RAB28: variants seen among roughly 807,000 people sequenced by gnomAD.
RAB28 encodes ras-related protein Rab-28.
In RAB28, 24 loss-of-function variants were observed where a neutral mutation model predicts 31.7. That is an observed-to-expected ratio of 0.76 (90% CI 0.55 to 1.06). RAB28 has a LOEUF of 1.06. Among genes scored for constraint, RAB28 ranks in the 50% least tolerant of loss-of-function variants. The pLI is 0.00. For synonymous variants in RAB28, 100 were observed against 90.4 expected, an observed-to-expected ratio of 1.11 and a Z score of -0.60; for missense variants, 254 against 258.5, an observed-to-expected ratio of 0.98 and a Z score of 0.12.
At chr4:13,444,031 T>C (rs961908173) in intron 4 of RAB28, among the ~76,000 whole-genome samples, 4 of 151,596 alleles carry the variant, frequency 2.6e-5, no homozygotes, top group African/African-American at 4.9e-5. Flanking sequence ...TTTTTTTTTT[T>C]TTCTTTTTTT....
At chr4:13,456,045 A>G (rs1417138726) in intron 4 of RAB28, among the ~76,000 whole-genome samples, 2 of 152,252 alleles carry the variant, frequency 1.3e-5, no homozygotes, top group East Asian at 3.8e-4. Context: ...ATGGCAGAGA[A>G]TAAGATTAAG....
intron 4 of RAB28, among the ~76,000 whole-genome samples, chr4:13,438,122 C>A (rs973757592): frequency 7.9e-5 from 12 of 152,110 alleles, no homozygotes; most frequent in Non-Finnish European, 1.5e-5. Flanking sequence ...AGAGGATCTT[C>A]GAGTTTCGTA....
At chr4:13,457,969 C>T (rs1226493375) in intron 4 of RAB28, among the ~76,000 whole-genome samples, 1 of 152,134 alleles carries the variant, frequency 6.6e-6, no homozygotes, top group Non-Finnish European at 1.5e-5. Context: ...CAATAAAGCA[C>T]ATACTTAACC....
intron 6 of RAB28, among the ~76,000 whole-genome samples, chr4:13,376,113 G>GA (rs1728912537): frequency 6.6e-6 from 1 of 151,792 alleles, no homozygotes; most frequent in African/African-American, 2.4e-5. Context: ...TAGGAATAGT[G>GA]AAAAAACATA....
At position 13,368,281 on chromosome 4, in the gene RAB28, T is replaced by C. The variant is rs748084596; in HGVS notation, c.*277A>G. The C allele has an allele frequency of 9.3e-7, 1 of 1,078,182 alleles. No homozygotes were observed. Among genetic ancestry groups the C allele is most frequent in the Non-Finnish European group, 1.1e-6 (1 of 890,800 alleles). The allele number at this position is 1,078,182 out of a possible 1,614,324, so 66.8% of individuals were successfully genotyped here. On this transcript the variant is annotated 3_prime_UTR_variant, in exon 7 of 7. Transcript: ENST00000330852. ...ATCAATGAAAAAAGAAGCAAGGACA[T>C]ACAAAGAAACAACATCATTCTTTTG...
chr4:13,483,991 G>A (rs1466100498), intron 1 of RAB28, 85 bp downstream of exon 1: 3 of 1,318,006 alleles, frequency 2.3e-6, no homozygotes, highest in East Asian at 5.1e-5. Context: ...TCGGGGTAAC[G>A]AGGCGACGCC....
intron 4 of RAB28, among the ~76,000 whole-genome samples, chr4:13,410,830 T>A (rs1272095191): frequency 1.3e-5 from 2 of 152,062 alleles, no homozygotes; most frequent in Non-Finnish European, 2.9e-5. Context: ...AACTTAAAGG[T>A]CTCTGTATTG....
chr4:13,469,646 C>A (rs1047112685), intron 3 of RAB28, among the ~76,000 whole-genome samples: 1 of 151,926 alleles, frequency 6.6e-6, no homozygotes, highest in African/African-American at 2.4e-5. Flanking sequence ...ATCTAATAAG[C>A]ATGATGAGTG....
At chr4:13,435,536 A>C (rs1406547996) in intron 4 of RAB28, among the ~76,000 whole-genome samples, 1 of 152,214 alleles carries the variant, frequency 6.6e-6, no homozygotes, top group African/African-American at 2.4e-5. Flanking sequence ...GAAATGCCAA[A>C]GGTAACATTA....
At chr4:13,397,722 G>A (rs1026704768) in intron 4 of RAB28, among the ~76,000 whole-genome samples, 1 of 152,010 alleles carries the variant, frequency 6.6e-6, no homozygotes, top group Non-Finnish European at 1.5e-5. Context: ...ATCTAAACAT[G>A]TCATGAAACT....
chr4:13,368,734 CT>C, intron 6 of RAB28, 84 bp from the exon 7 acceptor site: 1 of 1,127,888 alleles, frequency 8.9e-7, no homozygotes, highest in East Asian at 2.8e-5. Context: ...ATTTTCTGAA[CT>C]TTGCTGAACT....
At chr4:13,440,385 A>T (rs1237751717) in intron 4 of RAB28, among the ~76,000 whole-genome samples, 7 of 152,032 alleles carry the variant, frequency 4.6e-5, no homozygotes, top group Non-Finnish European at 1.0e-4. Flanking sequence ...TTACATTTAC[A>T]TTTTCTTCTT....
At chr4:13,466,269 G>A (rs10004028) in intron 3 of RAB28, among the ~76,000 whole-genome samples, 2,553 of 151,930 alleles carry the variant, frequency 0.017, 69 homozygotes, top group African/African-American at 0.058. Context: ...TTAACAGTGT[G>A]CAGAGACAAC....
At chr4:13,375,532 C>A (rs1327261290) in intron 6 of RAB28, among the ~76,000 whole-genome samples, 2 of 152,098 alleles carry the variant, frequency 1.3e-5, no homozygotes, top group Non-Finnish European at 2.9e-5. Context: ...GGTGACTTCT[C>A]TTTCCTATAT....
intron 3 of RAB28, among the ~76,000 whole-genome samples, chr4:13,468,378 CA>C (rs1208499354): frequency 6.6e-6 from 1 of 151,918 alleles, no homozygotes; most frequent in Non-Finnish European, 1.5e-5. Flanking sequence ...ACAGAAATCA[CA>C]CAAACCACAT....
chr4:13,481,751 G>A, intron 1 of RAB28, among the ~76,000 whole-genome samples: 1 of 152,076 alleles, frequency 6.6e-6, no homozygotes, highest in East Asian at 1.9e-4. Flanking sequence ...TGGAGAAACT[G>A]TTAGTCATCA....
chr4:13,372,757 G>C (rs1728763701), intron 6 of RAB28, among the ~76,000 whole-genome samples: 1 of 151,904 alleles, frequency 6.6e-6, no homozygotes, highest in Admixed American at 6.6e-5. Context: ...TCAACATTCA[G>C]GTAAAGCTAA....
intron 4 of RAB28, among the ~76,000 whole-genome samples, chr4:13,455,043 C>T (rs1715221973): frequency 1.3e-5 from 2 of 152,130 alleles, no homozygotes; most frequent in Admixed American, 1.3e-4. Context: ...AGGGGCAGCC[C>T]ATGGGGCTGT....
At chr4:13,410,496 A>G (rs1712375600) in intron 4 of RAB28, among the ~76,000 whole-genome samples, 2 of 152,290 alleles carry the variant, frequency 1.3e-5, no homozygotes, top group South Asian at 2.1e-4. Context: ...TTCTAAGGTA[A>G]TAACTTAGAA....
Sources: allele counts gnomAD v4.1 joint callset (sites outside exome capture counted in the v4.1 genomes callset), GRCh38; gene constraint gnomAD v4.1.1; transcripts MANE v1.5; gene names NCBI Gene and HGNC (gene_info 2026-07-23, HGNC 2026-07-21).